Variants in GRID2 observed in about 807,000 individuals in gnomAD.
GRID2 encodes glutamate receptor ionotropic, delta-2.
In GRID2, 33 loss-of-function variants were observed where a neutral mutation model predicts 114.8. The observed-to-expected ratio is 0.29, with a 90% CI of 0.22 to 0.38. GRID2 has a LOEUF of 0.38. Among genes scored for constraint, GRID2 ranks in the 10% least tolerant of loss-of-function variants. The pLI, the probability that GRID2 is intolerant of heterozygous loss-of-function variation, is 1.00. For synonymous variants in GRID2, 505 were observed against 449.9 expected (o/e 1.12, Z -1.55); for missense variants, 1,184 against 1,257.7 (o/e 0.94, Z 0.89).
intron 10 of GRID2, among the ~76,000 whole-genome samples, chr4:93,432,991 G>C (rs1769566444): frequency 6.6e-6 from 1 of 152,130 alleles, no homozygotes; most frequent in Admixed American, 6.6e-5. Context: ...GATCCCTTTA[G>C]CTCAAGAGTT....
At chr4:93,515,025 A>G (rs545539084) in intron 12 of GRID2, among the ~76,000 whole-genome samples, 191 bp from the exon 13 acceptor site, 1 of 152,312 alleles carries the variant, frequency 6.6e-6, no homozygotes, top group South Asian at 2.1e-4. Context: ...CATAATTTGT[A>G]TAAATGCCAT....
chr4:92,829,998 G>C (rs1560621266), intron 2 of GRID2, among the ~76,000 whole-genome samples: 1 of 151,406 alleles, frequency 6.6e-6, no homozygotes, highest in African/African-American at 2.4e-5. Context: ...TGAAAAGCTG[G>C]AAGATGGGTT....
intron 8 of GRID2, among the ~76,000 whole-genome samples, chr4:93,338,328 A>G (rs1579731271): frequency 6.6e-6 from 1 of 152,246 alleles, no homozygotes; most frequent in East Asian, 1.9e-4. Flanking sequence ...AAGCCCTTAT[A>G]TGCGGTGCAG....
At chr4:93,319,580 A>G (rs1167251822) in intron 8 of GRID2, 1 of 152,096 alleles carries the variant, frequency 6.6e-6, no homozygotes, top group Non-Finnish European at 1.5e-5. Context: ...GGAAGATCAC[A>G]CAGGTGGGCT....
chr4:93,464,702 C>T (rs868013217), intron 11 of GRID2, among the ~76,000 whole-genome samples: 5 of 151,830 alleles, frequency 3.3e-5, no homozygotes, highest in African/African-American at 1.2e-4. Flanking sequence ...TTTTTTGTGT[C>T]AAAATTTAAC....
Position 93,772,246 on chromosome 4 carries a change from C to T in GRID2, c.2772C>T (p.Asn924=), listed in dbSNP as rs1043156829. ...QALEQISDFR[N]THITTTTFIP... is the part of the protein sequence containing the mutation. ...TGGAGCAAATCAGTGATTTCAGGAA[C>T]ACTCATATTACCACAACAACCTTTA... Residue 924 remains asparagine, a synonymous_variant, in exon 16 of 16, where the codon AAC becomes AAT. Coordinates refer to ENST00000282020, the MANE Select transcript of GRID2 (RefSeq NM_001510.4). The T allele has an allele frequency of 3.7e-6, 6 of 1,613,954 alleles. No individual in the cohort carries two copies. The African/African-American group carries it at 8.0e-5, about 22-fold the overall frequency.
chr4:92,383,514 G>T (rs951624410), intron 1 of GRID2, among the ~76,000 whole-genome samples: 3 of 151,844 alleles, frequency 2.0e-5, no homozygotes, highest in Admixed American at 6.6e-5. Flanking sequence ...CATGTAAAAG[G>T]CTTTGGAATT....
At chr4:93,569,972 G>C (rs576882509) in intron 13 of GRID2, among the ~76,000 whole-genome samples, 52 of 152,134 alleles carry the variant, frequency 3.4e-4, no homozygotes, top group African/African-American at 1.3e-3. Context: ...GCTTTTGTTT[G>C]TTACTGCTTA....
chr4:93,745,155 G>A lies in GRID2; in HGVS notation c.2361-24055G>A, dbSNP rs575442274. On this transcript the variant is annotated intron_variant, in intron 14 of 15. Coordinates refer to ENST00000282020, the MANE Select transcript of GRID2 (RefSeq NM_001510.4). ...CCTGCAATATCTCTGATGTATGGCTGTAATTGTTATTGCTGTCATCATCAC... is the reference window on the plus strand; with the variant it reads ...CCTGCAATATCTCTGATGTATGGCTATAATTGTTATTGCTGTCATCATCAC... Among the ~76,000 whole-genome samples the A allele has an allele frequency of 1.4e-4, 22 of 152,242 alleles. No homozygotes were observed. In the South Asian group the frequency reaches 2.9e-3, roughly 20 times the overall value.
At chr4:93,370,993 A>G (rs1257620213) in intron 8 of GRID2, among the ~76,000 whole-genome samples, 1 of 152,228 alleles carries the variant, frequency 6.6e-6, no homozygotes, top group African/African-American at 2.4e-5. Flanking sequence ...CAAATTAAGC[A>G]AAATACTTCT....
chr4:92,843,490 T>C (rs1263116569), intron 2 of GRID2, among the ~76,000 whole-genome samples: 1 of 152,150 alleles, frequency 6.6e-6, no homozygotes. Context: ...AATATGTTAT[T>C]ACTTAAAATG....
chr4:93,142,993 A>T (rs1037317811), intron 4 of GRID2, among the ~76,000 whole-genome samples: 1 of 152,182 alleles, frequency 6.6e-6, no homozygotes, highest in Non-Finnish European at 1.5e-5. Context: ...ACCCAAATGG[A>T]TACACAATAG....
At chr4:92,339,136 G>A (rs1727344235) in intron 1 of GRID2, among the ~76,000 whole-genome samples, 1 of 151,992 alleles carries the variant, frequency 6.6e-6, no homozygotes, top group Non-Finnish European at 1.5e-5. Context: ...TTATAATTCT[G>A]TAGTCATTAC....
chr4:93,491,684 A>G (rs896484242), intron 12 of GRID2, among the ~76,000 whole-genome samples: 6 of 151,924 alleles, frequency 3.9e-5, no homozygotes, highest in Admixed American at 3.3e-4. Flanking sequence ...GAATAATTAG[A>G]TATGTCAGGG....
chr4:93,628,848 C>G (rs900298582), intron 14 of GRID2, among the ~76,000 whole-genome samples: 3 of 151,462 alleles, frequency 2.0e-5, no homozygotes, highest in African/African-American at 7.3e-5. Flanking sequence ...TCACTGCAAC[C>G]TCCCCATCCC....
intron 2 of GRID2, among the ~76,000 whole-genome samples, chr4:92,756,242 T>C (rs143814398): frequency 6.6e-6 from 1 of 152,286 alleles, no homozygotes; most frequent in Admixed American, 6.5e-5. Context: ...ATAACTCCTA[T>C]TTCCATCAAT....
chr4:93,133,080 A>T (rs146771387), intron 4 of GRID2, among the ~76,000 whole-genome samples: 321 of 152,292 alleles, frequency 2.1e-3, no homozygotes, highest in African/African-American at 7.3e-3. Flanking sequence ...ATTTTCGAGA[A>T]GGAAATTATA....
At chr4:93,679,813 C>T (rs1725322197) in intron 14 of GRID2, among the ~76,000 whole-genome samples, 1 of 150,632 alleles carries the variant, frequency 6.6e-6, no homozygotes, top group South Asian at 2.1e-4. Context: ...TAAATGCCCA[C>T]AAGAGAAAGC....
intron 13 of GRID2, among the ~76,000 whole-genome samples, chr4:93,588,978 T>A (rs1325039265): frequency 2.6e-5 from 4 of 152,028 alleles, no homozygotes; most frequent in African/African-American, 9.7e-5. Context: ...CAGAATGAAG[T>A]CCTAGCTTTT....
Sources: gnomAD v4.1 joint callset for allele counts (sites outside exome capture counted in the v4.1 genomes callset) on GRCh38, gnomAD v4.1.1 for gene constraint, MANE v1.5 for transcripts, NCBI Gene and HGNC (gene_info 2026-07-23, HGNC 2026-07-21) for gene names.